Variants in HMCN1 observed in about 807,000 individuals in gnomAD.
The protein encoded by HMCN1 is hemicentin-1.
HMCN1 carries 321 observed loss-of-function variants against 625.9 expected under a neutral mutation model. The ratio of observed to expected loss-of-function variants is 0.51; its 90% CI spans 0.47 to 0.56. The LOEUF (loss-of-function observed/expected upper bound fraction) is 0.56, where lower values mean the gene tolerates loss of function less well. HMCN1 is among the 20% of genes least tolerant of loss of function. HMCN1 has a pLI of 0.00. For missense variants in HMCN1, 6,588 were observed against 6,887.3 expected, an observed-to-expected ratio of 0.96 and a Z score of 1.54; for synonymous variants, 2,425 against 2,417.6, an observed-to-expected ratio of 1.00 and a Z score of -0.09.
intron 102 of HMCN1, among the ~76,000 whole-genome samples, 173 bp downstream of exon 102, chr1:186,172,304 G>T (rs937188329): frequency 1.3e-5 from 2 of 152,154 alleles, no homozygotes; most frequent in Non-Finnish European, 2.9e-5. Flanking sequence ...CAGGGTCATG[G>T]CTGTACCCGG....
At chr1:186,178,808 T>C in intron 104 of HMCN1, 42 bp downstream of exon 104, 15 of 1,305,620 alleles carry the variant, frequency 1.1e-5, no homozygotes, top group Non-Finnish European at 1.7e-5. Flanking sequence ...GTGGGCTCTC[T>C]TACTGATCAA....
chr1:186,008,157 G>T (rs1334392329), intron 30 of HMCN1, among the ~76,000 whole-genome samples: 1 of 152,108 alleles, frequency 6.6e-6, no homozygotes, highest in Non-Finnish European at 1.5e-5. Flanking sequence ...AACTTGATAA[G>T]AGTAGGCTTT....
intron 72 of HMCN1, 86 bp downstream of exon 72, chr1:186,113,039 T>A: frequency 6.8e-7 from 1 of 1,477,120 alleles, no homozygotes; most frequent in Non-Finnish European, 9.4e-7. Context: ...ATGAGCATAC[T>A]AAATGAAGCC....
At chr1:185,834,056 T>C (rs1661029464) in intron 1 of HMCN1, among the ~76,000 whole-genome samples, 1 of 152,186 alleles carries the variant, frequency 6.6e-6, no homozygotes, top group South Asian at 2.1e-4. Context: ...TTCAAAATTG[T>C]CTCTTTCTAT....
In HMCN1 at chr1:185,788,470, A is replaced by G. The variant is rs1657773063; in HGVS notation, c.268+53423A>G. Among the ~76,000 whole-genome samples the G allele has an allele frequency of 2.6e-5, 4 of 152,372 alleles. No homozygotes were observed. In the South Asian group the frequency reaches 8.3e-4, roughly 32 times the overall value. ...AGATGTACTGTTGACAGATAAATGC[A>G]GAGATCAGCTTTTAAATAATAGACA... On this transcript the variant is annotated intron_variant, in intron 1 of 106. Transcript: ENST00000271588.
At chr1:185,982,120 A>G (rs1651681864) in intron 17 of HMCN1, 142 bp from the exon 18 acceptor site, 6 of 831,078 alleles carry the variant, frequency 7.2e-6, no homozygotes, top group Admixed American at 3.6e-5. Flanking sequence ...TTTCAAAATC[A>G]TACCCATTTT....
intron 70 of HMCN1, among the ~76,000 whole-genome samples, chr1:186,107,904 A>G (rs1660687084): frequency 6.6e-6 from 1 of 152,046 alleles, no homozygotes; most frequent in Admixed American, 6.6e-5. Context: ...CTTTATGGGG[A>G]GGAATAATTA....
chr1:186,059,881 G>C (rs570597818), intron 46 of HMCN1, among the ~76,000 whole-genome samples: 18 of 152,068 alleles, frequency 1.2e-4, no homozygotes, highest in Admixed American at 2.0e-4. Flanking sequence ...AAGAGAAAAG[G>C]AGAATCGTGA....
At chr1:186,165,247 A>G (rs768402482) in intron 98 of HMCN1, 74 bp downstream of exon 98, 709 of 1,257,836 alleles carry the variant, frequency 5.6e-4, no homozygotes, top group Non-Finnish European at 7.4e-4. Flanking sequence ...ATGGGTATCT[A>G]TTGCCCTTTC....
intron 6 of HMCN1, among the ~76,000 whole-genome samples, chr1:185,918,858 T>C (rs973949654): frequency 2.6e-5 from 4 of 152,170 alleles, no homozygotes; most frequent in African/African-American, 9.7e-5. Context: ...TCTCTGAGAC[T>C]GAATGCTGCT....
intron 105 of HMCN1, among the ~76,000 whole-genome samples, chr1:186,187,189 G>A (rs776389731): frequency 6.3e-4 from 95 of 149,682 alleles, no homozygotes; most frequent in Admixed American, 6.0e-4. Flanking sequence ...TTTCTTTTGC[G>A]TATTTTCCCC....
At chr1:185,920,909 C>T (rs1022008001) in intron 6 of HMCN1, among the ~76,000 whole-genome samples, 6 of 152,024 alleles carry the variant, frequency 3.9e-5, no homozygotes, top group African/African-American at 1.4e-4. Context: ...ATTAACTCAC[C>T]GTAAGATCAA....
intron 11 of HMCN1, among the ~76,000 whole-genome samples, chr1:185,935,597 A>T (rs912813238): frequency 2.0e-5 from 3 of 151,310 alleles, no homozygotes; most frequent in African/African-American, 7.4e-5. Context: ...ACATAAATAT[A>T]AAAAAATATG....
intron 1 of HMCN1, among the ~76,000 whole-genome samples, chr1:185,754,945 C>A (rs977624928): frequency 2.6e-5 from 4 of 152,180 alleles, no homozygotes; most frequent in African/African-American, 9.7e-5. Context: ...TTTACTAGCT[C>A]TGTAAATATG....
At chr1:186,042,167 C>T (rs1656253283) in intron 40 of HMCN1, among the ~76,000 whole-genome samples, 2 of 152,216 alleles carry the variant, frequency 1.3e-5, no homozygotes, top group South Asian at 4.1e-4. Context: ...TCTGTTGCTC[C>T]TGCAATTGAC....
chr1:185,880,667 G>A lies in HMCN1; in HGVS notation c.621+14804G>A, dbSNP rs1407432. On this transcript the variant is annotated intron_variant, in intron 4 of 106. Transcript: ENST00000271588. ...TCTGTCTTTAATTTTTAATATTTCTGCTGCCTACCAGAGTGCCAGGCATAT... is the reference window on the plus strand; with the variant it reads ...TCTGTCTTTAATTTTTAATATTTCTACTGCCTACCAGAGTGCCAGGCATAT... Among the ~76,000 whole-genome samples, 1,156 of 152,242 alleles carry A rather than the reference G, an allele frequency of 7.6e-3. 14 individuals are homozygous for A. The highest frequency in any genetic ancestry group is 0.025 in the African/African-American group (1,038 of 41,552).
chr1:185,824,354 A>G (rs1361683456), intron 1 of HMCN1, among the ~76,000 whole-genome samples: 1 of 152,138 alleles, frequency 6.6e-6, no homozygotes, highest in East Asian at 1.9e-4. Context: ...CTTTGTTTGT[A>G]CCACACGTAT....
intron 4 of HMCN1, among the ~76,000 whole-genome samples, chr1:185,884,609 G>T (rs1215781500): frequency 6.6e-6 from 1 of 151,944 alleles, no homozygotes; most frequent in Non-Finnish European, 1.5e-5. Context: ...TTTGCCTAAT[G>T]GCTTTAGTTA....
At chr1:186,073,303 G>C (rs1193904769) in intron 52 of HMCN1, among the ~76,000 whole-genome samples, 1 of 152,130 alleles carries the variant, frequency 6.6e-6, no homozygotes, top group African/African-American at 2.4e-5. Flanking sequence ...CCTTGGCAAA[G>C]AATTTTTGAT....
Sources: allele counts gnomAD v4.1 joint callset (sites outside exome capture counted in the v4.1 genomes callset), GRCh38; gene constraint gnomAD v4.1.1; transcripts MANE v1.5; gene names NCBI Gene and HGNC (gene_info 2026-07-23, HGNC 2026-07-21).